The following NEBL variants were observed in gnomAD, a reference collection of about 807,000 sequenced individuals.
NEBL encodes the protein LIM and SH3 protein 2.
In NEBL, 122 loss-of-function variants were observed where a neutral mutation model predicts 140.2. The observed-to-expected ratio is 0.87, with a 90% CI of 0.75 to 1.01. The LOEUF is 1.01. Ranked by LOEUF, NEBL falls within the 50% of genes least tolerant of loss-of-function variation. The pLI is 0.00. For missense variants in NEBL, 1,365 were observed against 1,231.3 expected (o/e 1.11, Z -1.62); for synonymous variants, 436 against 398.9 (o/e 1.09, Z -1.11).
chr10:20,952,844 G>A (rs1835549717), intron 4 of NEBL, among the ~76,000 whole-genome samples: 1 of 136,774 alleles, frequency 7.3e-6, no homozygotes, highest in African/African-American at 2.7e-5. Flanking sequence ...GGTGGAGGTT[G>A]CAGTAAGCCG....
chr10:20,855,363 A>T (rs1051014928), intron 9 of NEBL, among the ~76,000 whole-genome samples: 7 of 152,054 alleles, frequency 4.6e-5, no homozygotes, highest in African/African-American at 1.4e-4. Flanking sequence ...AACAAGCTAC[A>T]ACATAGTCCA....
At chr10:20,945,239 C>T (rs1322668598) in intron 4 of NEBL, among the ~76,000 whole-genome samples, 1 of 152,130 alleles carries the variant, frequency 6.6e-6, no homozygotes, top group East Asian at 1.9e-4. Flanking sequence ...CATCTCAGGA[C>T]ACTTTCTTCT....
intron 2 of NEBL, chr10:21,113,426 A>G (rs1838140856): frequency 2.1e-5 from 9 of 421,770 alleles, no homozygotes; most frequent in South Asian, 1.5e-4. Context: ...AAGTTCATCA[A>G]TTATGTGAAG....
chr10:21,204,443 C>T lies in NEBL; in HGVS notation n.349-31966G>A, dbSNP rs191368027. On this transcript the variant is annotated intron_variant and non_coding_transcript_variant, in intron 3 of 8. Transcript: ENST00000675702. ...GACCTTTCTCTCTCTCTCTTTCTTT[C>T]TCTCTCTCTCTCTCTTTCCATGCGC... 2.6e-3 allele frequency among the ~76,000 whole-genome samples: 387 copies of T among 150,530 alleles called. 3 individuals are homozygous for T. The highest frequency in any genetic ancestry group is 8.9e-3 in the African/African-American group (367 of 41,218).
At chr10:20,865,816 A>G (rs1215200139) in intron 7 of NEBL, among the ~76,000 whole-genome samples, 7 of 152,148 alleles carry the variant, frequency 4.6e-5, no homozygotes, top group Admixed American at 4.6e-4. Context: ...ATGAGGCACA[A>G]TTGCATTTGG....
intron 4 of NEBL, among the ~76,000 whole-genome samples, chr10:20,947,664 A>T (rs1426589731): frequency 6.7e-6 from 1 of 149,338 alleles, no homozygotes; most frequent in Non-Finnish European, 1.5e-5. Flanking sequence ...ACAGCCATTG[A>T]CATTTTTACT....
chr10:20,994,199 C>A (rs1331688601), intron 3 of NEBL, among the ~76,000 whole-genome samples: 1 of 152,208 alleles, frequency 6.6e-6, no homozygotes, highest in East Asian at 1.9e-4. Context: ...AAGGAATATA[C>A]CTTTTCACTG....
chr10:20,900,878 G>A (rs191998551), upstream of NEBL, among the ~76,000 whole-genome samples: 616 of 148,942 alleles, frequency 4.1e-3, 12 homozygotes, highest in African/African-American at 0.015. Context: ...AATTAGCCGG[G>A]CATGGTGGCA....
chr10:21,211,683 C>T (rs1045697496), intron 3 of NEBL, among the ~76,000 whole-genome samples: 1 of 152,144 alleles, frequency 6.6e-6, no homozygotes, highest in African/African-American at 2.4e-5. Flanking sequence ...ACTTCAAAAA[C>T]CCGTCTGAGT....
rs571841505 is a variant in NEBL at position 20,845,170 on chromosome 10, C to A, written c.1227+88G>T. ...GAGTAATGCCTTAATATCTGAAACA[C>A]TGAATTAGTAGAGAATTAGGTAAAC... is the stretch of plus-strand genomic sequence containing the variant. On this transcript the variant is annotated intron_variant, in intron 12 of 27. Coordinates refer to ENST00000377122, the MANE Select transcript of NEBL (RefSeq NM_006393.3). The A allele has an allele frequency of 3.3e-5, 27 of 813,022 alleles. 1 individual carries two copies. In the South Asian group the frequency reaches 4.2e-4, roughly 13 times the overall value. 50.4% of individuals were successfully genotyped at this position (813,022 alleles called of 1,614,324 possible). A position where few individuals can be genotyped will look rare whatever the true frequency, so the allele number is the denominator to read the frequency against.
intron 4 of NEBL, among the ~76,000 whole-genome samples, chr10:20,908,273 G>T (rs1240796394): frequency 6.6e-6 from 1 of 152,242 alleles, no homozygotes. Context: ...CCATAGGGCA[G>T]TAGAACATTG....
At chr10:21,151,242 T>C (rs181283149) in intron 2 of NEBL, among the ~76,000 whole-genome samples, 1 of 152,356 alleles carries the variant, frequency 6.6e-6, no homozygotes, top group Admixed American at 6.5e-5. Flanking sequence ...TTCACCCTGC[T>C]TCAGTCAACA....
intron 2 of NEBL, among the ~76,000 whole-genome samples, chr10:21,132,144 C>G (rs1463925485): frequency 6.6e-6 from 1 of 152,150 alleles, no homozygotes; most frequent in African/African-American, 2.4e-5. Context: ...CCCATTATCC[C>G]TATTCTCCAA....
chr10:20,969,057 T>C (rs929237259), intron 3 of NEBL, among the ~76,000 whole-genome samples: 14 of 152,370 alleles, frequency 9.2e-5, no homozygotes, highest in Non-Finnish European at 2.1e-4. Flanking sequence ...AACCATTTCA[T>C]GATTGATTAC....
chr10:20,823,282 T>C lies in NEBL; in HGVS notation c.1888A>G (p.Ile630Val). The C allele has an allele frequency of 6.2e-7, 1 of 1,607,804 alleles. No homozygotes were observed. Among genetic ancestry groups the C allele is most frequent in the Non-Finnish European group, 8.5e-7 (1 of 1,176,882 alleles). The change falls in exon 19 of 28, where the codon ATT (isoleucine) becomes GTT (valine). Residue 630 changes from isoleucine to valine, a missense_variant. Transcript: ENST00000377122. The stretch of plus-strand genomic sequence containing the variant: ...TCAGAAATGGCTGTTGCATGTTTAA[T>C]CTCTTCTTTGTATTTCACCTGCATA... Reference protein sequence around the residue: ...NISSVKYKEEIKHATAISDPP... With the variant: ...NISSVKYKEEVKHATAISDPP...
chr10:21,271,295 ACT>A (rs1430388755), intron 1 of NEBL, among the ~76,000 whole-genome samples: 2 of 152,184 alleles, frequency 1.3e-5, no homozygotes, highest in East Asian at 3.8e-4. Flanking sequence ...TTCTAAACAA[ACT>A]CTAAAACTTC....
chr10:20,966,279 A>G (rs528255025), intron 3 of NEBL, among the ~76,000 whole-genome samples: 17 of 152,360 alleles, frequency 1.1e-4, no homozygotes, highest in Non-Finnish European at 2.2e-4. Context: ...TGCAACATAG[A>G]TTAGAACGCT....
chr10:21,205,806 C>T (rs1841816514), intron 3 of NEBL, among the ~76,000 whole-genome samples: 1 of 151,970 alleles, frequency 6.6e-6, no homozygotes. Flanking sequence ...CCTATTCTAC[C>T]TCATTCACAG....
At chr10:20,859,972 T>G in intron 7 of NEBL, 146 bp from the exon 8 acceptor site, 1 of 522,094 alleles carries the variant, frequency 1.9e-6, no homozygotes, top group South Asian at 3.3e-5. Context: ...AAAGCTTAAT[T>G]AGGCACAAAA....
Sources: allele counts gnomAD v4.1 joint callset (sites outside exome capture counted in the v4.1 genomes callset), GRCh38; gene constraint gnomAD v4.1.1; transcripts MANE v1.5; gene names NCBI Gene and HGNC (gene_info 2026-07-23, HGNC 2026-07-21).